The following PCDHGB7 variants were observed in gnomAD, a reference collection of about 807,000 sequenced individuals.
The protein encoded by PCDHGB7 is protocadherin gamma-B7.
In PCDHGB7, 37 loss-of-function variants were observed where a neutral mutation model predicts 61.4. That is an observed-to-expected ratio of 0.60 (90% CI 0.46 to 0.79). PCDHGB7 has a LOEUF of 0.79. Ranked by LOEUF, PCDHGB7 falls within the 30% of genes least tolerant of loss-of-function variation. PCDHGB7 has a pLI of 0.00. For missense variants in PCDHGB7, 1,166 were observed against 1,202.5 expected, an observed-to-expected ratio of 0.97 and a Z score of 0.45; for synonymous variants, 464 against 503.5, an observed-to-expected ratio of 0.92 and a Z score of 1.05.
At chr5:141,426,451 C>A in intron 1 of PCDHGB7, 1 of 308,946 alleles carries the variant, frequency 3.2e-6, no homozygotes, top group South Asian at 3.0e-5. Flanking sequence ...GGACATGCGG[C>A]TGCATGTTCA....
chr5:141,458,512 T>TG (rs2098947554), intron 1 of PCDHGB7, among the ~76,000 whole-genome samples: 2 of 150,084 alleles, frequency 1.3e-5, no homozygotes, highest in African/African-American at 5.0e-5. Context: ...TTTGACACTT[T>TG]GTTTTTTTTT....
chr5:141,432,964 G>A lies in PCDHGB7; in HGVS notation c.2415+12690G>A, dbSNP rs2097554835. On this transcript the variant is annotated intron_variant, in intron 1 of 3. Transcript: ENST00000398594. This position sits in a 1 kb window ranked among gnomAD's most constrained non-coding sequence, Gnocchi z 6.0. Reference sequence around the variant, plus strand: ...CTTCAGGAGGCGGCTTGACAGGAGCGCCGGCGTCGCACTTTGTGGGCGTGG... The same window carrying A: ...CTTCAGGAGGCGGCTTGACAGGAGCACCGGCGTCGCACTTTGTGGGCGTGG... The A allele has an allele frequency of 6.2e-7, 1 of 1,614,044 alleles. No homozygotes were observed. Among genetic ancestry groups the A allele is most frequent in the African/African-American group, 1.3e-5 (1 of 74,934 alleles).
Position 141,419,936 on chromosome 5 carries a change from G to T in PCDHGB7, c.2077G>T (p.Val693Leu). 1.2e-6 allele frequency: 2 copies of T among 1,614,074 alleles called. No homozygotes were observed. Among genetic ancestry groups the T allele is most frequent in the Non-Finnish European group, 1.7e-6 (2 of 1,179,906 alleles). The change falls in exon 1 of 4, where the codon GTG becomes TTG. Residue 693 changes from valine (V) to leucine (L), a missense_variant. Coordinates refer to ENST00000398594, the MANE Select transcript of PCDHGB7 (RefSeq NM_018927.4). ...CCAGGCTGAGATGCAGTTTTACCTG[G>T]TGGTGGCCTTGGCCTTGATTTCTGT... The part of the protein sequence containing the change: ...DSQAEMQFYL[V>L]VALALISVLF...
At chr5:141,441,790 A>G in intron 1 of PCDHGB7, 1 of 391,228 alleles carries the variant, frequency 2.6e-6, no homozygotes, top group South Asian at 2.0e-5. Context: ...CTGAATGACA[A>G]CGCACCGCGG....
chr5:141,418,481 C>G lies in PCDHGB7; in HGVS notation c.622C>G (p.His208Asp), dbSNP rs1438009750. 1 of 1,614,006 alleles carries G rather than the reference C, an allele frequency of 6.2e-7. No individual in the cohort carries two copies. The highest frequency in any genetic ancestry group is 1.7e-5 in the Admixed American group (1 of 60,028). Residue 208 changes from histidine (H) to aspartate (D), a missense_variant, in exon 1 of 4, where the codon CAC becomes GAC. Transcript: ENST00000398594. ...KTLDRETQSA[H>D]HLVLTALDGG... is the part of the protein sequence containing the mutation. ...TCTGGACCGAGAAACGCAGAGCGCT[C>G]ACCACTTGGTACTGACCGCCTTAGA...
chr5:141,500,318 C>T (rs1005060282), intron 2 of PCDHGB7, among the ~76,000 whole-genome samples: 3 of 151,948 alleles, frequency 2.0e-5, no homozygotes, highest in African/African-American at 7.3e-5. Context: ...ACGCCATGCT[C>T]CTGCCTCAGC....
intron 1 of PCDHGB7, among the ~76,000 whole-genome samples, chr5:141,465,538 A>AT (rs2099105284): frequency 6.6e-6 from 1 of 152,112 alleles, no homozygotes; most frequent in Non-Finnish European, 1.5e-5. Context: ...TTTCCCAGGC[A>AT]TTTTTTCTGC....
In PCDHGB7 at chr5:141,431,221, A is replaced by T; in HGVS notation, c.2415+10947A>T. 6.2e-7 allele frequency: 1 copy of T among 1,614,124 alleles called. No homozygotes were observed. The highest frequency in any genetic ancestry group is 8.5e-7 in the Non-Finnish European group (1 of 1,180,026). On this transcript the variant is annotated intron_variant, in intron 1 of 3. Transcript: ENST00000398594. The surrounding 1 kb of genome is among the most constrained non-coding windows in gnomAD (Gnocchi z 4.8). Reference sequence around the variant, plus strand: ...CAGCCACTGAGATGCGGTTCCCTCTACCCCACGCCTGGGATCCGGATATCG... The same window carrying T: ...CAGCCACTGAGATGCGGTTCCCTCTTCCCCACGCCTGGGATCCGGATATCG...
intron 1 of PCDHGB7, among the ~76,000 whole-genome samples, chr5:141,425,159 G>C (rs557552439): frequency 6.6e-6 from 1 of 152,126 alleles, no homozygotes; most frequent in South Asian, 2.1e-4. Context: ...AGCATCTAGG[G>C]ATAGGATTTA....
intron 1 of PCDHGB7, chr5:141,421,938 T>C (rs777643980): frequency 2.9e-5 from 46 of 1,613,346 alleles, no homozygotes; most frequent in Non-Finnish European, 3.5e-5. Context: ...TCGATGTAAA[T>C]GATCACATCC....
Position 141,511,066 on chromosome 5 carries a change from C to T in PCDHGB7, c.2683C>T (p.Pro895Ser). Residue 895 changes from proline to serine, a missense_variant, in exon 4 of 4, where the codon CCA (proline) becomes TCA (serine). Physicochemically the swap from Pro to Ser is moderately conservative, Grantham distance 74. Transcript: ENST00000398594. The part of the protein sequence containing the change: ...VPDYRQNVYI[P>S]GSNATLTNAA... ...CGACTACCGCCAGAATGTCTACATC[C>T]CAGGCAGCAATGCCACACTGACCAA... 1.2e-6 allele frequency: 2 copies of T among 1,614,230 alleles called. No individual in the cohort carries two copies. Among genetic ancestry groups the T allele is most frequent in the Non-Finnish European group, 1.7e-6 (2 of 1,180,036 alleles).
chr5:141,466,121 C>CA (rs908379481), intron 1 of PCDHGB7, among the ~76,000 whole-genome samples: 24 of 146,876 alleles, frequency 1.6e-4, no homozygotes, highest in East Asian at 8.0e-4. Context: ...GACTCCAGCT[C>CA]AAAAAAAAAA....
chr5:141,420,335 A>G (rs2096490280), intron 1 of PCDHGB7, 61 bp downstream of exon 1: 1 of 1,403,918 alleles, frequency 7.1e-7, no homozygotes, highest in Non-Finnish European at 9.5e-7. Flanking sequence ...ATATTCCAAT[A>G]TAGTGGTATT....
At chr5:141,473,810 G>A (rs549204595) in intron 1 of PCDHGB7, among the ~76,000 whole-genome samples, 1 of 152,334 alleles carries the variant, frequency 6.6e-6, no homozygotes, top group South Asian at 2.1e-4. Flanking sequence ...CTGAGGAGCA[G>A]CTGGACAATT....
chr5:141,446,251 A>G (rs979768028), intron 1 of PCDHGB7, among the ~76,000 whole-genome samples: 1 of 152,178 alleles, frequency 6.6e-6, no homozygotes, highest in Admixed American at 6.5e-5. Context: ...ATCTTCAGTG[A>G]AATATTATTA....
intron 1 of PCDHGB7, among the ~76,000 whole-genome samples, chr5:141,447,787 T>C (rs1025269338): frequency 1.3e-5 from 2 of 152,106 alleles, no homozygotes; most frequent in Non-Finnish European, 2.9e-5. Context: ...TGAAAATAAA[T>C]TTAAGAAAAT....
chr5:141,489,701 T>C lies in PCDHGB7; in HGVS notation c.2416-5106T>C, dbSNP rs1038902932. The C allele has an allele frequency of 1.9e-6, 3 of 1,614,128 alleles. No homozygotes were observed. The highest frequency in any genetic ancestry group is 2.5e-6 in the Non-Finnish European group (3 of 1,179,944). On this transcript the variant is annotated intron_variant, in intron 1 of 3. Transcript: ENST00000398594. The surrounding 1 kb of genome is among the most constrained non-coding windows in gnomAD (Gnocchi z 4.5). ...GCAGCATCTGGGGCACGATTCCCAC[T>C]GGACAGTGCCCAGGATCCGGATGTG...
chr5:141,507,754 C>T (rs1488474557), intron 3 of PCDHGB7, among the ~76,000 whole-genome samples: 7 of 152,242 alleles, frequency 4.6e-5, no homozygotes, highest in Admixed American at 2.0e-4. Flanking sequence ...GTCAAGGCCT[C>T]CCACCTTTGG....
intron 1 of PCDHGB7, among the ~76,000 whole-genome samples, chr5:141,435,383 G>A (rs1057246190): frequency 6.6e-6 from 1 of 152,016 alleles, no homozygotes; most frequent in South Asian, 2.1e-4. Flanking sequence ...ACAATATACC[G>A]TATTGCCATG....
Sources: allele counts gnomAD v4.1 joint callset (sites outside exome capture counted in the v4.1 genomes callset), GRCh38; gene constraint gnomAD v4.1.1; non-coding constraint Gnocchi (gnomAD v3.1); transcripts MANE v1.5; gene names NCBI Gene and HGNC (gene_info 2026-07-23, HGNC 2026-07-21).